UNC5D: variants seen among roughly 807,000 people sequenced by gnomAD.
UNC5D encodes the protein netrin receptor UNC5D.
UNC5D carries 39 observed loss-of-function variants against 105.4 expected under a neutral mutation model. The observed-to-expected ratio is 0.37, with a 90% CI of 0.29 to 0.48. The LOEUF (loss-of-function observed/expected upper bound fraction) is 0.48, where lower values mean the gene tolerates loss of function less well. UNC5D is among the 20% of genes least tolerant of loss of function. UNC5D has a pLI of 0.98. For synonymous variants in UNC5D, 452 were observed against 450.4 expected (o/e 1.00, Z -0.04); for missense variants, 991 against 1,202.4 (o/e 0.82, Z 2.60).
At chr8:35,296,640 C>T (rs1028441991) in intron 1 of UNC5D, among the ~76,000 whole-genome samples, 7 of 152,088 alleles carry the variant, frequency 4.6e-5, no homozygotes, top group African/African-American at 1.7e-4. Context: ...AGGCTGGTCT[C>T]GAACTCCTGA....
chr8:35,554,630 A>T (rs998464826), intron 2 of UNC5D, among the ~76,000 whole-genome samples: 2 of 152,184 alleles, frequency 1.3e-5, no homozygotes, highest in African/African-American at 4.8e-5. Context: ...CAAACCAAAC[A>T]TATCTTGGCA....
intron 13 of UNC5D, among the ~76,000 whole-genome samples, chr8:35,758,566 T>C (rs192915707): frequency 6.6e-6 from 1 of 152,354 alleles, no homozygotes; most frequent in Admixed American, 6.5e-5. Context: ...CCATTTCTTA[T>C]ATCGTCTCTC....
chr8:35,673,029 T>C (rs1190698738), intron 4 of UNC5D, among the ~76,000 whole-genome samples: 4 of 152,208 alleles, frequency 2.6e-5, no homozygotes, highest in Non-Finnish European at 5.9e-5. Context: ...TCTGTGATCA[T>C]GAGGTTTTCT....
At chr8:35,245,117 T>G (rs1803011683) in intron 1 of UNC5D, among the ~76,000 whole-genome samples, 1 of 152,186 alleles carries the variant, frequency 6.6e-6, no homozygotes, top group Non-Finnish European at 1.5e-5. Flanking sequence ...TCGTCTTTAT[T>G]ATTACTTTTG....
At chr8:35,477,978 A>T (rs1213272273) in intron 1 of UNC5D, among the ~76,000 whole-genome samples, 1 of 152,144 alleles carries the variant, frequency 6.6e-6, no homozygotes, top group Non-Finnish European at 1.5e-5. Context: ...CATGCTAGGG[A>T]GCTGATATCA....
At chr8:35,604,617 T>A (rs1820146697) in intron 4 of UNC5D, among the ~76,000 whole-genome samples, 1 of 152,252 alleles carries the variant, frequency 6.6e-6, no homozygotes, top group South Asian at 2.1e-4. Flanking sequence ...GATGTTCTCC[T>A]GGATAATATC....
intron 1 of UNC5D, among the ~76,000 whole-genome samples, chr8:35,383,365 A>G (rs1803161975): frequency 6.6e-6 from 1 of 152,230 alleles, no homozygotes; most frequent in East Asian, 1.9e-4. Flanking sequence ...TAGTAATTAG[A>G]TCATGCCCTT....
intron 13 of UNC5D, among the ~76,000 whole-genome samples, chr8:35,751,133 TG>T (rs1830263230): frequency 6.6e-6 from 1 of 152,182 alleles, no homozygotes; most frequent in African/African-American, 2.4e-5. Flanking sequence ...GTGGGAGTGC[TG>T]ACTGGTTGCT....
chr8:35,593,169 A>G (rs1194384035), intron 3 of UNC5D, among the ~76,000 whole-genome samples: 4 of 151,948 alleles, frequency 2.6e-5, no homozygotes, highest in East Asian at 1.9e-4. Context: ...GAATGGGGAG[A>G]AAAAAAATGA....
At chr8:35,360,463 G>C (rs775800229) in intron 1 of UNC5D, among the ~76,000 whole-genome samples, 3 of 152,078 alleles carry the variant, frequency 2.0e-5, no homozygotes, top group Non-Finnish European at 2.9e-5. Flanking sequence ...CTCTGGTCTT[G>C]GGCTTTGCTG....
At chr8:35,511,851 G>T (rs1324531799) in intron 1 of UNC5D, among the ~76,000 whole-genome samples, 42 of 152,160 alleles carry the variant, frequency 2.8e-4, no homozygotes, top group Admixed American at 2.7e-3. Flanking sequence ...GGATGTGCTT[G>T]ATCTAAACTC....
At chr8:35,322,502 T>A (rs557641551) in intron 1 of UNC5D, among the ~76,000 whole-genome samples, 1 of 152,176 alleles carries the variant, frequency 6.6e-6, no homozygotes, top group Non-Finnish European at 1.5e-5. Context: ...TACAGTCTCA[T>A]GTTCCTTGTG....
chr8:35,598,912 G>A (rs1231705501), intron 4 of UNC5D, among the ~76,000 whole-genome samples: 1 of 152,130 alleles, frequency 6.6e-6, no homozygotes, highest in Non-Finnish European at 1.5e-5. Flanking sequence ...GGAGGCCAAG[G>A]CGGGTGGATC....
At position 35,614,984 on chromosome 8, in the gene UNC5D, A is replaced by G. The variant is rs28533378; in HGVS notation, c.570+19327A>G. Among the ~76,000 whole-genome samples, 382 of 150,206 alleles carry G rather than the reference A, an allele frequency of 2.5e-3. 1 individual carries two copies. Among genetic ancestry groups the G allele is most frequent in the African/African-American group, 8.9e-3 (368 of 41,324 alleles). On this transcript the variant is annotated intron_variant, in intron 4 of 16. Coordinates refer to ENST00000404895, the MANE Select transcript of UNC5D (RefSeq NM_080872.4). ...CAGTGCTTTGAAAGGCCAAAGCAAG[A>G]GAATCGCTTGAGGCCAGGAGTTCAA... is the stretch of plus-strand genomic sequence containing the variant.
chr8:35,356,412 G>C (rs985737966), intron 1 of UNC5D, among the ~76,000 whole-genome samples: 1 of 152,024 alleles, frequency 6.6e-6, no homozygotes, highest in African/African-American at 2.4e-5. Flanking sequence ...ACTGAACCCT[G>C]TTGTCACCAG....
rs550706448 is a variant in UNC5D, at chr8:35,613,216, C to A, written c.570+17559C>A. ...CTTCAGCCTCCTGAGTAGTTAGGAC[C>A]ACTACGCGCCATCATGCCCAGCTAA... On this transcript the variant is annotated intron_variant, in intron 4 of 16. Coordinates refer to ENST00000404895, the MANE Select transcript of UNC5D (RefSeq NM_080872.4). Among the ~76,000 whole-genome samples the A allele has an allele frequency of 2.6e-5, 4 of 152,272 alleles. No individual in the cohort carries two copies. The East Asian group carries it at 5.8e-4, about 22-fold the overall frequency.
At chr8:35,512,762 T>C (rs1812843029) in intron 1 of UNC5D, among the ~76,000 whole-genome samples, 1 of 151,270 alleles carries the variant, frequency 6.6e-6, no homozygotes, top group Non-Finnish European at 1.5e-5. Context: ...GGTATTATAA[T>C]ATATAATTAG....
In UNC5D at chr8:35,472,806, C is replaced by T. The variant is rs142744160; in HGVS notation, c.104-76486C>T. On this transcript the variant is annotated intron_variant, in intron 1 of 16. Coordinates refer to ENST00000404895, the MANE Select transcript of UNC5D (RefSeq NM_080872.4). ...GCAAGCTTCTCACCTTGGACATTGC[C>T]ATATGTTACTTGGCCTCACATGAAG... Among the ~76,000 whole-genome samples, 11 of 152,200 alleles carry T rather than the reference C, an allele frequency of 7.2e-5. No individual in the cohort carries two copies. In the East Asian group the frequency reaches 1.9e-3, roughly 27 times the overall value.
At chr8:35,525,712 G>C in intron 1 of UNC5D, 1 of 1,594,450 alleles carries the variant, frequency 6.3e-7, no homozygotes, top group Non-Finnish European at 8.5e-7. Flanking sequence ...TGGCACGTCC[G>C]GCACGACACC....
Sources: gnomAD v4.1 joint callset for allele counts (sites outside exome capture counted in the v4.1 genomes callset) on GRCh38, gnomAD v4.1.1 for gene constraint, MANE v1.5 for transcripts, NCBI Gene and HGNC (gene_info 2026-07-23, HGNC 2026-07-21) for gene names.